Variants in AADAT observed in about 807,000 individuals in gnomAD.
The protein encoded by AADAT is kynurenine/alpha-aminoadipate aminotransferase, mitochondrial.
AADAT carries 25 observed loss-of-function variants against 56.2 expected under a neutral mutation model. The ratio of observed to expected loss-of-function variants is 0.44; its 90% confidence interval spans 0.32 to 0.62. AADAT has a LOEUF of 0.62. AADAT is among the 20% of genes least tolerant of loss of function. AADAT has a pLI of 0.04. For missense variants in AADAT, 387 were observed against 510.5 expected (o/e 0.76, Z 2.33); for synonymous variants, 173 against 164.7 (o/e 1.05, Z -0.39).
chr4:170,093,388 A>T (rs996117100), upstream of AADAT, among the ~76,000 whole-genome samples: 2 of 152,096 alleles, frequency 1.3e-5, no homozygotes, highest in African/African-American at 4.8e-5. Context: ...TGAAGCCGAG[A>T]TCACGCCACT....
At chr4:170,074,824 T>C (rs2111178385) in intron 4 of AADAT, among the ~76,000 whole-genome samples, 1 of 152,252 alleles carries the variant, frequency 6.6e-6, no homozygotes, top group South Asian at 2.1e-4. Flanking sequence ...CTTATAGACT[T>C]AGCTTTATAC....
At chr4:170,080,808 C>T (rs1732260456) in intron 3 of AADAT, among the ~76,000 whole-genome samples, 1 of 152,032 alleles carries the variant, frequency 6.6e-6, no homozygotes, top group Non-Finnish European at 1.5e-5. Context: ...CAAATATATC[C>T]AATAAAAAGC....
chr4:170,069,325 G>T (rs2111160795), intron 6 of AADAT, 95 bp from the exon 7 acceptor site: 1 of 918,900 alleles, frequency 1.1e-6, no homozygotes, highest in Non-Finnish European at 1.7e-6. Flanking sequence ...AGATGGATTT[G>T]GATAACAACA....
At chr4:170,093,553 C>T (rs969217933), upstream of AADAT, among the ~76,000 whole-genome samples, 8 of 152,136 alleles carry the variant, frequency 5.3e-5, no homozygotes, top group African/African-American at 9.7e-5. Flanking sequence ...TTGATGCACC[C>T]GTCTGTGATT....
intron 9 of AADAT, among the ~76,000 whole-genome samples, 196 bp downstream of exon 9, chr4:170,067,131 C>T (rs1731506116): frequency 6.6e-6 from 1 of 152,130 alleles, no homozygotes; most frequent in Admixed American, 6.6e-5. Context: ...CAAACCACAC[C>T]TTGGATGCTG....
At chr4:170,085,073 T>A (rs145106068) in intron 3 of AADAT, among the ~76,000 whole-genome samples, 3 of 152,340 alleles carry the variant, frequency 2.0e-5, no homozygotes, top group African/African-American at 7.2e-5. Context: ...ATATTTTCTC[T>A]TGCTCATGAC....
At chr4:170,074,094 A>C (rs1452923533) in intron 4 of AADAT, among the ~76,000 whole-genome samples, 1 of 152,194 alleles carries the variant, frequency 6.6e-6, no homozygotes, top group East Asian at 1.9e-4. Flanking sequence ...CTTGTAGTGG[A>C]TATGGAACGT....
chr4:170,077,314 A>C (rs1006985936), intron 4 of AADAT, among the ~76,000 whole-genome samples: 1 of 152,202 alleles, frequency 6.6e-6, no homozygotes, highest in African/African-American at 2.4e-5. Flanking sequence ...TAAGTCTTCC[A>C]ATCTATGAAC....
At chr4:170,092,130 T>C (rs1461276882), upstream of AADAT, among the ~76,000 whole-genome samples, 2 of 152,330 alleles carry the variant, frequency 1.3e-5, no homozygotes, top group South Asian at 2.1e-4. Context: ...TGGGGCCAGA[T>C]AAGAGAATAA....
At chr4:170,081,053 CTCAGAACAGCAAT>C (rs1265822972) in intron 3 of AADAT, among the ~76,000 whole-genome samples, 1 of 152,090 alleles carries the variant, frequency 6.6e-6, no homozygotes, top group Non-Finnish European at 1.5e-5. Context: ...TTCAAGGTAA[CTCAGAACAGCAAT>C]TCAGAAATTT....
At chr4:170,087,443 G>A (rs181470844) in intron 2 of AADAT, among the ~76,000 whole-genome samples, 195 bp from the exon 3 acceptor site, 28 of 152,306 alleles carry the variant, frequency 1.8e-4, no homozygotes, top group African/African-American at 6.5e-4. Flanking sequence ...ATTCCTGTAA[G>A]TCATTCAGCC....
At chr4:170,085,246 T>C (rs1732500622) in intron 3 of AADAT, among the ~76,000 whole-genome samples, 1 of 152,240 alleles carries the variant, frequency 6.6e-6, no homozygotes, top group African/African-American at 2.4e-5. Context: ...AAAAGTTATA[T>C]GCAGATTTTC....
At chr4:170,068,862 T>C (rs548020979) in intron 7 of AADAT, among the ~76,000 whole-genome samples, 175 bp from the exon 8 acceptor site, 65 of 152,298 alleles carry the variant, frequency 4.3e-4, no homozygotes, top group African/African-American at 1.3e-3. Flanking sequence ...AAGTGTACAT[T>C]TAAAACAAGA....
At chr4:170,093,672 T>G (rs1732933619), upstream of AADAT, among the ~76,000 whole-genome samples, 1 of 152,218 alleles carries the variant, frequency 6.6e-6, no homozygotes, top group Admixed American at 6.5e-5. Flanking sequence ...CATAGCTCAC[T>G]GCAGCCTCGT....
At chr4:170,082,594 C>A (rs1378398621) in intron 3 of AADAT, among the ~76,000 whole-genome samples, 1 of 152,036 alleles carries the variant, frequency 6.6e-6, no homozygotes, top group Non-Finnish European at 1.5e-5. Flanking sequence ...AATAATAACA[C>A]TGAATGGAAA....
At chr4:170,072,080 A>T (rs899906435) in intron 5 of AADAT, among the ~76,000 whole-genome samples, 1 of 152,142 alleles carries the variant, frequency 6.6e-6, no homozygotes. Flanking sequence ...GGTAGGGGCC[A>T]GGCAATGTGC....
At chr4:170,084,959 GAC>G (rs1166797714) in intron 3 of AADAT, among the ~76,000 whole-genome samples, 1 of 152,168 alleles carries the variant, frequency 6.6e-6, no homozygotes, top group African/African-American at 2.4e-5. Flanking sequence ...CCTCCCGTGA[GAC>G]AGCAAGACCA....
chr4:170,087,055 G>A lies in AADAT; in HGVS notation c.369+61C>T, dbSNP rs1268607189. ...TAATTCTCTGTGGTTAAGTGCGAGA[G>A]GACTATAGAAATGAATGCTTCCAAT... is the stretch of plus-strand genomic sequence containing the variant. On this transcript the variant is annotated intron_variant, in intron 3 of 12. Transcript: ENST00000337664. 4 of 1,589,168 alleles carry A rather than the reference G, an allele frequency of 2.5e-6. No homozygotes were observed. In the African/African-American group the frequency reaches 5.4e-5, roughly 21 times the overall value.
intron 3 of AADAT, among the ~76,000 whole-genome samples, chr4:170,079,334 T>C (rs970612442): frequency 1.3e-5 from 2 of 152,040 alleles, no homozygotes; most frequent in Admixed American, 1.3e-4. Context: ...CAGACAGAAG[T>C]GGGCAGAGAC....
Sources: allele counts gnomAD v4.1 joint callset (sites outside exome capture counted in the v4.1 genomes callset), GRCh38; gene constraint gnomAD v4.1.1; transcripts MANE v1.5; gene names NCBI Gene and HGNC (gene_info 2026-07-23, HGNC 2026-07-21).